KCNH5: variants seen among roughly 807,000 people sequenced by gnomAD.
The protein encoded by KCNH5 is potassium voltage-gated channel subfamily H member 5.
KCNH5 carries 46 observed loss-of-function variants against 96.1 expected under a neutral mutation model. The ratio of observed to expected loss-of-function variants is 0.48; its 90% CI spans 0.38 to 0.61. The LOEUF is 0.61. KCNH5 is among the 20% of genes least tolerant of loss of function. The probability of loss-of-function intolerance (pLI) is 0.00; values close to 1 mark genes in which losing one functional copy is unlikely to be tolerated. For synonymous variants in KCNH5, 439 were observed against 449.8 expected (o/e 0.98, Z 0.30); for missense variants, 907 against 1,225.8 (o/e 0.74, Z 3.88).
At chr14:62,918,900 G>GA (rs578147103) in intron 7 of KCNH5, among the ~76,000 whole-genome samples, 54 of 152,082 alleles carry the variant, frequency 3.6e-4, no homozygotes, top group African/African-American at 1.1e-3. Flanking sequence ...AAATACTTAT[G>GA]AAAATCATTT....
intron 9 of KCNH5, among the ~76,000 whole-genome samples, chr14:62,801,023 T>C (rs1399607056): frequency 6.6e-6 from 1 of 152,126 alleles, no homozygotes; most frequent in South Asian, 2.1e-4. Flanking sequence ...AACCTTGGTA[T>C]TCAGTCATTT....
At chr14:62,851,184 A>G (rs1032910943) in intron 7 of KCNH5, among the ~76,000 whole-genome samples, 51 of 152,274 alleles carry the variant, frequency 3.3e-4, no homozygotes, top group African/African-American at 1.2e-3. Context: ...AGTGCAGGAC[A>G]ATTTTTTAAG....
intron 1 of KCNH5, 120 bp downstream of exon 1, chr14:63,044,994 C>A: frequency 1.2e-6 from 1 of 805,544 alleles, no homozygotes; most frequent in African/African-American, 1.7e-5. Flanking sequence ...GTAAATGAAA[C>A]CACCAGGTAA....
At chr14:62,831,686 G>T (rs979252880) in intron 8 of KCNH5, among the ~76,000 whole-genome samples, 3 of 151,930 alleles carry the variant, frequency 2.0e-5, no homozygotes, top group Non-Finnish European at 2.9e-5. Flanking sequence ...CACTTTTCTT[G>T]TAATGTGTTT....
intron 7 of KCNH5, among the ~76,000 whole-genome samples, chr14:62,895,832 T>C (rs1888800557): frequency 6.6e-6 from 1 of 152,158 alleles, no homozygotes; most frequent in Admixed American, 6.5e-5. Flanking sequence ...TCAGCATTAC[T>C]TAGGAACACC....
chr14:62,865,138 C>A (rs555856790), intron 7 of KCNH5, among the ~76,000 whole-genome samples: 2 of 152,144 alleles, frequency 1.3e-5, no homozygotes, highest in East Asian at 3.9e-4. Flanking sequence ...AAAAAAATAA[C>A]CTAGGTAGTG....
intron 10 of KCNH5, among the ~76,000 whole-genome samples, chr14:62,734,487 A>G (rs1374723655): frequency 6.6e-6 from 1 of 152,106 alleles, no homozygotes; most frequent in Non-Finnish European, 1.5e-5. Flanking sequence ...TCTCCCTAAG[A>G]TACCTTTGAC....
intron 7 of KCNH5, among the ~76,000 whole-genome samples, chr14:62,917,322 G>A (rs1253532808): frequency 6.6e-6 from 1 of 150,860 alleles, no homozygotes; most frequent in Non-Finnish European, 1.5e-5. Context: ...TATCTTTAAA[G>A]AGGGACATAA....
At position 62,881,098 on chromosome 14, in the gene KCNH5, A is replaced by C. The variant is rs557735661; in HGVS notation, c.1370-31246T>G. Among the ~76,000 whole-genome samples the C allele has an allele frequency of 9.2e-5, 14 of 152,360 alleles. No homozygotes were observed. In the South Asian group the frequency reaches 2.5e-3, roughly 27 times the overall value. On this transcript the variant is annotated intron_variant, in intron 7 of 10. Coordinates refer to ENST00000322893, the MANE Select transcript of KCNH5 (RefSeq NM_139318.5). ...GAAACATCTTTAAGCCTTCAATAAA[A>C]TGCTTATGCATTAAGCGCCATTTAG...
At chr14:62,833,914 C>T (rs964156609) in intron 8 of KCNH5, among the ~76,000 whole-genome samples, 6 of 151,970 alleles carry the variant, frequency 3.9e-5, no homozygotes, top group Admixed American at 6.6e-5. Flanking sequence ...GACCAAGTCC[C>T]ACTGTCTTAA....
intron 7 of KCNH5, among the ~76,000 whole-genome samples, chr14:62,912,834 C>G (rs1889197108): frequency 1.3e-5 from 2 of 152,176 alleles, no homozygotes; most frequent in Admixed American, 1.3e-4. Context: ...AAAGCTTCAA[C>G]TATCTTTTTT....
chr14:62,733,561 C>T (rs1166970180), intron 10 of KCNH5, among the ~76,000 whole-genome samples: 1 of 150,386 alleles, frequency 6.6e-6, no homozygotes, highest in Non-Finnish European at 1.5e-5. Context: ...CATATAGGTA[C>T]TACTTTTACT....
chr14:62,837,999 A>G (rs1887498994), intron 8 of KCNH5, among the ~76,000 whole-genome samples: 1 of 152,116 alleles, frequency 6.6e-6, no homozygotes, highest in Non-Finnish European at 1.5e-5. Context: ...GCTTCCCATT[A>G]ACTTCTCATT....
At chr14:62,968,665 T>G (rs1890348854) in intron 6 of KCNH5, among the ~76,000 whole-genome samples, 2 of 152,230 alleles carry the variant, frequency 1.3e-5, no homozygotes, top group South Asian at 4.1e-4. Context: ...TTTCCCATTA[T>G]TAACAAAAAG....
At chr14:63,029,540 T>C (rs887806135) in intron 1 of KCNH5, among the ~76,000 whole-genome samples, 1 of 152,104 alleles carries the variant, frequency 6.6e-6, no homozygotes, top group African/African-American at 2.4e-5. Flanking sequence ...GATGTATGTA[T>C]GTATGTATGT....
chr14:62,944,550 T>A (rs1163976027), intron 7 of KCNH5, among the ~76,000 whole-genome samples: 1 of 152,070 alleles, frequency 6.6e-6, no homozygotes, highest in Non-Finnish European at 1.5e-5. Flanking sequence ...CACATATTGG[T>A]TTCTAAGAAT....
chr14:62,975,878 C>A (rs551152561), intron 6 of KCNH5, among the ~76,000 whole-genome samples: 1 of 152,114 alleles, frequency 6.6e-6, no homozygotes. Context: ...GTTAAAGAGA[C>A]TTTCAGAATC....
At chr14:62,708,541 G>T in intron 10 of KCNH5, 86 bp from the exon 11 acceptor site, 1 of 784,182 alleles carries the variant, frequency 1.3e-6, no homozygotes, top group Non-Finnish European at 1.9e-6. Flanking sequence ...TGTGCTTTGT[G>T]TTACAAAGAA....
chr14:63,009,375 C>T (rs990289606), intron 2 of KCNH5, among the ~76,000 whole-genome samples: 1 of 152,070 alleles, frequency 6.6e-6, no homozygotes. Context: ...CATAATACAC[C>T]TCCATTAGTT....
Sources: allele counts gnomAD v4.1 joint callset (sites outside exome capture counted in the v4.1 genomes callset), GRCh38; gene constraint gnomAD v4.1.1; transcripts MANE v1.5; gene names NCBI Gene and HGNC (gene_info 2026-07-23, HGNC 2026-07-21).